SNX29: variants seen among roughly 807,000 people sequenced by gnomAD.
SNX29 encodes sorting nexin-29.
SNX29 carries 78 observed loss-of-function variants against 102.1 expected under a neutral mutation model. The observed-to-expected ratio is 0.76, with a 90% confidence interval of 0.64 to 0.92. The LOEUF (loss-of-function observed/expected upper bound fraction) is 0.92. SNX29 is among the 40% of genes least tolerant of loss of function. The probability of loss-of-function intolerance (pLI) is 0.00; values close to 1 mark genes in which losing one functional copy is unlikely to be tolerated. For synonymous variants in SNX29, 580 were observed against 414.5 expected, an observed-to-expected ratio of 1.40 and a Z score of -4.85; for missense variants, 1,280 against 1,061.7, an observed-to-expected ratio of 1.21 and a Z score of -2.86.
intron 18 of SNX29, among the ~76,000 whole-genome samples, chr16:12,416,182 T>C (rs1269774123): frequency 1.3e-5 from 2 of 152,124 alleles, no homozygotes; most frequent in African/African-American, 4.8e-5. Flanking sequence ...AGACTGCTCA[T>C]GGGCCCTCCT....
chr16:12,550,204 C>A (rs2077882652), intron 20 of SNX29, among the ~76,000 whole-genome samples: 1 of 152,174 alleles, frequency 6.6e-6, no homozygotes. Flanking sequence ...GAGGATAAAG[C>A]ATGGAAGAGT....
chr16:12,326,362 G>T (rs2081119726), intron 15 of SNX29, among the ~76,000 whole-genome samples: 1 of 151,064 alleles, frequency 6.6e-6, no homozygotes, highest in Admixed American at 6.6e-5. Flanking sequence ...GGTGTGAGGG[G>T]CAGTCAGGTT....
At chr16:11,989,598 C>G (rs910692113) in intron 1 of SNX29, among the ~76,000 whole-genome samples, 6 of 152,218 alleles carry the variant, frequency 3.9e-5, no homozygotes, top group African/African-American at 1.4e-4. Flanking sequence ...CTGGCCAGTT[C>G]TGGTCCTTTT....
chr16:12,468,410 A>G (rs957064944), intron 18 of SNX29, among the ~76,000 whole-genome samples: 1 of 151,910 alleles, frequency 6.6e-6, no homozygotes, highest in Non-Finnish European at 1.5e-5. Flanking sequence ...CCTGACCTCA[A>G]GTGATCTGCC....
At chr16:12,222,562 T>A (rs1192679587) in intron 14 of SNX29, among the ~76,000 whole-genome samples, 1 of 152,122 alleles carries the variant, frequency 6.6e-6, no homozygotes, top group Non-Finnish European at 1.5e-5. Flanking sequence ...GCTTCACAGT[T>A]TGCAGAGTGC....
chr16:12,041,462 G>A (rs150040009), intron 4 of SNX29, among the ~76,000 whole-genome samples: 2 of 152,280 alleles, frequency 1.3e-5, no homozygotes, highest in Admixed American at 1.3e-4. Flanking sequence ...CACAGTTGTT[G>A]GCTTTTAAAC....
intron 20 of SNX29, among the ~76,000 whole-genome samples, chr16:12,560,124 C>T (rs1195931665): frequency 2.8e-5 from 4 of 142,484 alleles, no homozygotes; most frequent in African/African-American, 7.8e-5. Flanking sequence ...TATTCTAGTT[C>T]TGTGTTCCCC....
chr16:12,534,361 C>T (rs903863558), intron 20 of SNX29, among the ~76,000 whole-genome samples: 1 of 152,234 alleles, frequency 6.6e-6, no homozygotes, highest in African/African-American at 2.4e-5. Context: ...AGGTTTCCTG[C>T]ACCTCTCACA....
intron 14 of SNX29, among the ~76,000 whole-genome samples, chr16:12,258,904 G>A (rs1008958939): frequency 6.6e-6 from 1 of 152,158 alleles, no homozygotes; most frequent in East Asian, 1.9e-4. Flanking sequence ...CTGAGTCTCT[G>A]TCGGAGGAGG....
At position 12,568,897 on chromosome 16, in the gene SNX29, A is replaced by G; in HGVS notation, c.*268A>G. 4.0e-6 allele frequency: 2 copies of G among 499,614 alleles called. No individual in the cohort carries two copies. The highest frequency in any genetic ancestry group is 2.8e-5 in the South Asian group (1 of 35,298). 30.9% of individuals were successfully genotyped at this position (499,614 alleles called of 1,614,324 possible). A position where few individuals can be genotyped will look rare whatever the true frequency, so the allele number is the denominator to read the frequency against. ...CTTCTGGGGTCTACCCTGGGCTGCA[A>G]GGGCTGTTCCTCCACCTTTCTGTAG... On this transcript the variant is annotated 3_prime_UTR_variant, in exon 21 of 21. Coordinates refer to ENST00000566228, the MANE Select transcript of SNX29 (RefSeq NM_032167.5).
chr16:12,231,535 AAAAAAAAC>A lies in SNX29; in HGVS notation c.1678+31859_1678+31866del, dbSNP rs879289488. Among the ~76,000 whole-genome samples, 592 of 117,730 alleles carry A rather than the reference AAAAAAAAC, an allele frequency of 5.0e-3. 1 individual carries two copies. Among genetic ancestry groups the A allele is most frequent in the Non-Finnish European group, 9.0e-3 (412 of 45,692 alleles). 77.2% of individuals were successfully genotyped at this position (117,730 alleles called of 152,430 possible). ...ATTTCCAATTGTTGGGCCTTTTTAA[AAAAAAAAC>A]AAAAAACAAAAAACAAAAACAAAAC... On this transcript the variant is annotated intron_variant, in intron 14 of 20. Coordinates refer to ENST00000566228, the MANE Select transcript of SNX29 (RefSeq NM_032167.5).
chr16:12,178,737 AGT>A (rs1000670376), intron 13 of SNX29, among the ~76,000 whole-genome samples: 6 of 152,224 alleles, frequency 3.9e-5, no homozygotes, highest in African/African-American at 1.2e-4. Flanking sequence ...AGTATCAGAC[AGT>A]GTGTGTAGTT....
At chr16:12,497,294 T>C (rs2088877817) in intron 19 of SNX29, among the ~76,000 whole-genome samples, 2 of 152,250 alleles carry the variant, frequency 1.3e-5, no homozygotes, top group African/African-American at 4.8e-5. Context: ...CAAACCTGTA[T>C]TGAATATCTA....
intron 15 of SNX29, among the ~76,000 whole-genome samples, chr16:12,344,161 G>C (rs2081702520): frequency 1.3e-5 from 2 of 152,200 alleles, no homozygotes; most frequent in Admixed American, 6.5e-5. Context: ...CAGTCATGTG[G>C]AACTTGTGAG....
At chr16:12,564,932 G>A (rs1248868005) in intron 20 of SNX29, among the ~76,000 whole-genome samples, 3 of 23,882 alleles carry the variant, frequency 1.3e-4, no homozygotes, top group Non-Finnish European at 2.0e-4. Flanking sequence ...GAACCTTGGT[G>A]TTAAAAAAAA....
chr16:12,187,220 A>C lies in SNX29; in HGVS notation c.1596-12381A>C, dbSNP rs560647077. ...TGTGCATGTCCCCTGGGCATGCTTCATTCTTCTGTTACCTGCACTGCCCCT... is the reference window on the plus strand; with the variant it reads ...TGTGCATGTCCCCTGGGCATGCTTCCTTCTTCTGTTACCTGCACTGCCCCT... On this transcript the variant is annotated intron_variant, in intron 13 of 20. Transcript: ENST00000566228. Among the ~76,000 whole-genome samples the C allele has an allele frequency of 1.0e-3, 156 of 152,308 alleles. 1 individual carries two copies. The highest frequency in any genetic ancestry group is 1.7e-3 in the Admixed American group (26 of 15,292).
intron 16 of SNX29, among the ~76,000 whole-genome samples, chr16:12,377,560 G>A (rs959692242): frequency 1.4e-4 from 22 of 152,202 alleles, no homozygotes; most frequent in African/African-American, 5.1e-4. Flanking sequence ...CTTGTGAGCG[G>A]TCTTGATCAC....
chr16:12,258,401 G>A (rs1386197781), intron 14 of SNX29, among the ~76,000 whole-genome samples: 1 of 152,010 alleles, frequency 6.6e-6, no homozygotes, highest in Non-Finnish European at 1.5e-5. Context: ...ATGGAGCTTC[G>A]AGTCAGTCAG....
chr16:12,123,062 A>G (rs951568447), intron 11 of SNX29, among the ~76,000 whole-genome samples: 2 of 152,142 alleles, frequency 1.3e-5, no homozygotes, highest in African/African-American at 2.4e-5. Context: ...CCTGACCTCA[A>G]GTGATCTGCC....
Sources: allele counts gnomAD v4.1 joint callset (sites outside exome capture counted in the v4.1 genomes callset), GRCh38; gene constraint gnomAD v4.1.1; transcripts MANE v1.5; gene names NCBI Gene and HGNC (gene_info 2026-07-23, HGNC 2026-07-21).